Variants in UBE2E2 observed in about 807,000 individuals in gnomAD.
UBE2E2 encodes ubiquitin conjugating enzyme E2 E2.
UBE2E2 carries 6 observed loss-of-function variants against 24.7 expected under a neutral mutation model. The observed-to-expected ratio is 0.24, with a 90% CI of 0.13 to 0.48. UBE2E2 has a LOEUF of 0.48. UBE2E2 is among the 20% of genes least tolerant of loss of function. The pLI is 0.99. For synonymous variants in UBE2E2, 104 were observed against 83.6 expected (o/e 1.24, Z -1.33); for missense variants, 169 against 245.0 (o/e 0.69, Z 2.07).
At chr3:23,423,301 CA>C (rs1453458671) in intron 3 of UBE2E2, among the ~76,000 whole-genome samples, 3 of 152,134 alleles carry the variant, frequency 2.0e-5, no homozygotes, top group African/African-American at 7.2e-5. Flanking sequence ...AATACATTAG[CA>C]AAGTGAAGTG....
At chr3:23,455,885 G>C (rs1406644913) in intron 3 of UBE2E2, among the ~76,000 whole-genome samples, 1 of 152,118 alleles carries the variant, frequency 6.6e-6, no homozygotes, top group East Asian at 1.9e-4. Flanking sequence ...GAAATTTGTT[G>C]CATCAGTTGA....
At chr3:23,453,938 A>C (rs1312320031) in intron 3 of UBE2E2, among the ~76,000 whole-genome samples, 4 of 152,170 alleles carry the variant, frequency 2.6e-5, no homozygotes, top group African/African-American at 9.7e-5. Flanking sequence ...AAACACCTAG[A>C]ATGTCTGCTA....
At chr3:23,422,801 C>T (rs905985403) in intron 3 of UBE2E2, among the ~76,000 whole-genome samples, 1 of 152,154 alleles carries the variant, frequency 6.6e-6, no homozygotes, top group African/African-American at 2.4e-5. Flanking sequence ...AAGTGGTGTT[C>T]AAGCTAATAG....
At chr3:23,547,072 A>G (rs1314706464) in intron 5 of UBE2E2, among the ~76,000 whole-genome samples, 1 of 152,226 alleles carries the variant, frequency 6.6e-6, no homozygotes, top group African/African-American at 2.4e-5. Flanking sequence ...AGTGAGGTGT[A>G]TAAATAAGAA....
intron 3 of UBE2E2, among the ~76,000 whole-genome samples, chr3:23,390,469 A>C (rs1002138008): frequency 2.0e-5 from 3 of 152,138 alleles, no homozygotes; most frequent in African/African-American, 7.2e-5. Flanking sequence ...GCTGAGAGCC[A>C]CTTCCACTGC....
intron 3 of UBE2E2, among the ~76,000 whole-genome samples, chr3:23,289,387 C>A (rs1698701427): frequency 6.6e-6 from 1 of 152,208 alleles, no homozygotes; most frequent in Admixed American, 6.5e-5. Context: ...CAGTACAGTA[C>A]TCACACAGTG....
intron 4 of UBE2E2, among the ~76,000 whole-genome samples, chr3:23,503,102 T>C (rs1694312300): frequency 6.6e-6 from 1 of 152,176 alleles, no homozygotes; most frequent in African/African-American, 2.4e-5. Flanking sequence ...TATGTTTTAA[T>C]GTTTTCATTC....
intron 3 of UBE2E2, among the ~76,000 whole-genome samples, chr3:23,378,202 C>A (rs367814327): frequency 9.2e-6 from 1 of 108,712 alleles, no homozygotes. Flanking sequence ...AGCCAGTGAG[C>A]AGAATATACT....
intron 3 of UBE2E2, among the ~76,000 whole-genome samples, chr3:23,342,116 G>C (rs1224533586): frequency 1.3e-5 from 2 of 152,158 alleles, no homozygotes; most frequent in Admixed American, 1.3e-4. Context: ...GCTATTGACA[G>C]AAACACTATT....
At chr3:23,410,452 G>C (rs1697470005) in intron 3 of UBE2E2, among the ~76,000 whole-genome samples, 1 of 152,146 alleles carries the variant, frequency 6.6e-6, no homozygotes, top group South Asian at 2.1e-4. Context: ...AGAGAACTTA[G>C]CTGTAAACCC....
At chr3:23,479,395 A>C (rs1007309327) in intron 3 of UBE2E2, among the ~76,000 whole-genome samples, 1 of 152,196 alleles carries the variant, frequency 6.6e-6, no homozygotes, top group African/African-American at 2.4e-5. Context: ...ACGCAGTGGC[A>C]ACCAGAAACT....
At chr3:23,418,563 G>A (rs375694276) in intron 3 of UBE2E2, among the ~76,000 whole-genome samples, 2 of 152,058 alleles carry the variant, frequency 1.3e-5, no homozygotes, top group African/African-American at 2.4e-5. Flanking sequence ...GGCTGTTCTC[G>A]AACTCCTCAC....
chr3:23,334,382 C>T (rs1465194821), intron 3 of UBE2E2, among the ~76,000 whole-genome samples: 1 of 151,986 alleles, frequency 6.6e-6, no homozygotes, highest in Non-Finnish European at 1.5e-5. Flanking sequence ...ATCTCTTTCT[C>T]CATCACTATT....
intron 3 of UBE2E2, among the ~76,000 whole-genome samples, chr3:23,452,889 C>T (rs547112575): frequency 1.3e-5 from 2 of 152,238 alleles, no homozygotes; most frequent in African/African-American, 2.4e-5. Flanking sequence ...CTCCACAGCA[C>T]GCTGGCACAC....
chr3:23,454,121 G>A (rs1041270644), intron 3 of UBE2E2, among the ~76,000 whole-genome samples: 1 of 152,026 alleles, frequency 6.6e-6, no homozygotes, highest in Admixed American at 6.6e-5. Flanking sequence ...TTTTACCTTT[G>A]TCAGTTTTGT....
intron 5 of UBE2E2, among the ~76,000 whole-genome samples, chr3:23,533,342 C>G (rs2125486121): frequency 6.6e-6 from 1 of 151,934 alleles, no homozygotes; most frequent in East Asian, 1.9e-4. Flanking sequence ...TACAAAAATC[C>G]AAAGATAGCT....
At chr3:23,233,960 ATGTT>A (rs769301283) in intron 3 of UBE2E2, among the ~76,000 whole-genome samples, 1 of 152,212 alleles carries the variant, frequency 6.6e-6, no homozygotes, top group African/African-American at 2.4e-5. Flanking sequence ...GTGTTATAAA[ATGTT>A]TGGTAAATAT....
At chr3:23,432,852 A>G (rs1451642094) in intron 3 of UBE2E2, among the ~76,000 whole-genome samples, 1 of 151,830 alleles carries the variant, frequency 6.6e-6, no homozygotes, top group African/African-American at 2.4e-5. Flanking sequence ...ATAATAAACT[A>G]TTAACATATT....
At chr3:23,440,373 G>A (rs879444191) in intron 3 of UBE2E2, among the ~76,000 whole-genome samples, 8 of 152,180 alleles carry the variant, frequency 5.3e-5, no homozygotes, top group Admixed American at 5.2e-4. Flanking sequence ...CTCCCAAAGT[G>A]CTGAGATTAC....
Sources: allele counts gnomAD v4.1 joint callset (sites outside exome capture counted in the v4.1 genomes callset), GRCh38; gene constraint gnomAD v4.1.1; transcripts MANE v1.5; gene names NCBI Gene and HGNC (gene_info 2026-07-23, HGNC 2026-07-21).